MOB3B: variants seen among roughly 807,000 people sequenced by gnomAD.
The protein encoded by MOB3B is MOB kinase activator 3B, also known as MOB kinase activator-like 2B.
Under a neutral mutation model 18.7 loss-of-function variants are expected in MOB3B, and 7 were observed. That is an observed-to-expected ratio of 0.37 (90% confidence interval 0.21 to 0.70). The LOEUF (loss-of-function observed/expected upper bound fraction) is 0.70, where lower values mean the gene tolerates loss of function less well. MOB3B is among the 30% of genes least tolerant of loss of function. MOB3B has a pLI of 0.52. For missense variants in MOB3B, 253 were observed against 281.3 expected, an observed-to-expected ratio of 0.90 and a Z score of 0.72; for synonymous variants, 111 against 99.9, an observed-to-expected ratio of 1.11 and a Z score of -0.66.
chr9:27,374,216 A>ATT (rs34635444), intron 2 of MOB3B, among the ~76,000 whole-genome samples: 1 of 148,686 alleles, frequency 6.7e-6, no homozygotes, highest in African/African-American at 2.5e-5. Flanking sequence ...TGTCTGAAGT[A>ATT]TTTTTTTTTT....
intron 1 of MOB3B, among the ~76,000 whole-genome samples, chr9:27,475,555 G>C (rs779705721): frequency 6.6e-6 from 1 of 152,178 alleles, no homozygotes; most frequent in Non-Finnish European, 1.5e-5. Context: ...ATATTGGGCA[G>C]CCCTCAAAAC....
intron 2 of MOB3B, among the ~76,000 whole-genome samples, chr9:27,369,298 C>A (rs1397195923): frequency 1.3e-5 from 2 of 152,140 alleles, no homozygotes; most frequent in Non-Finnish European, 2.9e-5. Flanking sequence ...ATTCTTTATT[C>A]CCCAGTAGAA....
chr9:27,396,880 C>T (rs1303290468), intron 2 of MOB3B: 1 of 152,218 alleles, frequency 6.6e-6, no homozygotes, highest in Non-Finnish European at 1.5e-5. Flanking sequence ...CACGTTAACC[C>T]TCTTCATTTT....
At chr9:27,332,734 A>G (rs148608524) in intron 3 of MOB3B, among the ~76,000 whole-genome samples, 215 of 152,332 alleles carry the variant, frequency 1.4e-3, no homozygotes, top group Middle Eastern at 0.01. Context: ...TACTTTGTGA[A>G]GTAAGATTTG....
intron 3 of MOB3B, among the ~76,000 whole-genome samples, chr9:27,356,016 C>T (rs996595171): frequency 6.6e-6 from 1 of 151,956 alleles, no homozygotes; most frequent in Non-Finnish European, 1.5e-5. Flanking sequence ...TAGCAATCCA[C>T]AAGCCATAAA....
Position 27,516,224 on chromosome 9 carries a change from G to T in MOB3B, c.-199+13331C>A, listed in dbSNP as rs192725900. Among the ~76,000 whole-genome samples, 12 of 152,264 alleles carry T rather than the reference G, an allele frequency of 7.9e-5. No individual in the cohort carries two copies. In the East Asian group the frequency reaches 2.3e-3, roughly 29 times the overall value. Reference sequence around the variant, plus strand: ...GACTATGAGAGAATAAATTTCCATTGTTCTAAGCCACCTAAGTTATGGTGA... The same window carrying T: ...GACTATGAGAGAATAAATTTCCATTTTTCTAAGCCACCTAAGTTATGGTGA... On this transcript the variant is annotated intron_variant, in intron 1 of 3. Transcript: ENST00000262244.
chr9:27,333,085 A>G (rs567572657), intron 3 of MOB3B, among the ~76,000 whole-genome samples: 2 of 152,304 alleles, frequency 1.3e-5, no homozygotes, highest in East Asian at 3.9e-4. Flanking sequence ...CCACTGAGAG[A>G]GTATGGACAC....
chr9:27,521,157 G>C (rs569824358), intron 1 of MOB3B, among the ~76,000 whole-genome samples: 1 of 152,154 alleles, frequency 6.6e-6, no homozygotes, highest in African/African-American at 2.4e-5. Context: ...CAGCCTCCTC[G>C]AGATCATGCA....
chr9:27,466,884 C>T (rs1819392699), intron 1 of MOB3B, among the ~76,000 whole-genome samples: 1 of 152,134 alleles, frequency 6.6e-6, no homozygotes, highest in Non-Finnish European at 1.5e-5. Flanking sequence ...GGTGGGGACA[C>T]AGCCAAACCA....
rs1223592918 is a variant in MOB3B at position 27,411,590 on chromosome 9, G to A, written c.418+43543C>T. Among the ~76,000 whole-genome samples the A allele has an allele frequency of 3.3e-5, 5 of 152,140 alleles. No individual in the cohort carries two copies. In the South Asian group the frequency reaches 8.3e-4, roughly 25 times the overall value. ...TCCTGAAAATTTGAGGCACTACCAC[G>A]TCTTCTAAATGAACTGACAGAAGAA... On this transcript the variant is annotated intron_variant, in intron 2 of 3. Coordinates refer to ENST00000262244, the MANE Select transcript of MOB3B (RefSeq NM_024761.5).
At chr9:27,417,853 G>A (rs1017250622) in intron 2 of MOB3B, among the ~76,000 whole-genome samples, 1 of 152,098 alleles carries the variant, frequency 6.6e-6, no homozygotes, top group African/African-American at 2.4e-5. Flanking sequence ...ACAAGGCCAA[G>A]AGATCGAGAC....
chr9:27,518,354 G>A (rs993956765), intron 1 of MOB3B, among the ~76,000 whole-genome samples: 3 of 152,162 alleles, frequency 2.0e-5, no homozygotes, highest in Non-Finnish European at 2.9e-5. Flanking sequence ...GTAAAGAGAA[G>A]GATTATTCTG....
chr9:27,343,102 A>G (rs748175686), intron 3 of MOB3B, among the ~76,000 whole-genome samples: 13 of 152,108 alleles, frequency 8.5e-5, no homozygotes, highest in South Asian at 2.1e-4. Flanking sequence ...AGAAGTAGAC[A>G]TGGGAGACTC....
chr9:27,422,467 T>C (rs978448309), intron 2 of MOB3B, among the ~76,000 whole-genome samples: 1 of 152,220 alleles, frequency 6.6e-6, no homozygotes, highest in African/African-American at 2.4e-5. Flanking sequence ...TGACCTAGGT[T>C]TCTAGACACC....
chr9:27,459,678 G>A (rs995380658), intron 1 of MOB3B, among the ~76,000 whole-genome samples: 1 of 152,040 alleles, frequency 6.6e-6, no homozygotes, highest in Admixed American at 6.6e-5. Flanking sequence ...TGGTGACAAT[G>A]ACCAGGTCTT....
At chr9:27,442,042 A>G (rs537626327) in intron 2 of MOB3B, among the ~76,000 whole-genome samples, 5 of 151,934 alleles carry the variant, frequency 3.3e-5, no homozygotes, top group Non-Finnish European at 7.4e-5. Flanking sequence ...AAACAATATT[A>G]CTCTCTTTAC....
intron 2 of MOB3B, among the ~76,000 whole-genome samples, chr9:27,426,114 T>C (rs1171384406): frequency 6.6e-6 from 1 of 152,198 alleles, no homozygotes. Flanking sequence ...AGGAGGTAAG[T>C]GCTACTGTTA....
At chr9:27,457,249 T>C (rs1819189570) in intron 1 of MOB3B, among the ~76,000 whole-genome samples, 2 of 152,224 alleles carry the variant, frequency 1.3e-5, no homozygotes, top group South Asian at 4.1e-4. Flanking sequence ...GACTGCTGTA[T>C]AGATTGGTCG....
At chr9:27,403,732 G>A (rs1821922256) in intron 2 of MOB3B, among the ~76,000 whole-genome samples, 1 of 151,794 alleles carries the variant, frequency 6.6e-6, no homozygotes, top group Non-Finnish European at 1.5e-5. Context: ...ACCCGCCTCG[G>A]CCTCCCAAAG....
Sources: allele counts gnomAD v4.1 joint callset (sites outside exome capture counted in the v4.1 genomes callset), GRCh38; gene constraint gnomAD v4.1.1; transcripts MANE v1.5; gene names NCBI Gene and HGNC (gene_info 2026-07-23, HGNC 2026-07-21).